NTNG1: variants seen among roughly 807,000 people sequenced by gnomAD.
The protein encoded by NTNG1 is netrin-G1.
In NTNG1, 16 loss-of-function variants were observed where a neutral mutation model predicts 54.0. That is an observed-to-expected ratio of 0.30 (90% CI 0.20 to 0.45). The LOEUF is 0.45. NTNG1 is among the 20% of genes least tolerant of loss of function. The pLI, the probability that NTNG1 is intolerant of heterozygous loss-of-function variation, is 1.00. For missense variants in NTNG1, 530 were observed against 678.7 expected, an observed-to-expected ratio of 0.78 and a Z score of 2.43; for synonymous variants, 255 against 263.1, an observed-to-expected ratio of 0.97 and a Z score of 0.30.
chr1:107,383,115 A>T (rs575550202), intron 3 of NTNG1, among the ~76,000 whole-genome samples: 36 of 152,230 alleles, frequency 2.4e-4, no homozygotes, highest in Non-Finnish European at 4.6e-4. Context: ...ACTCAGCCTG[A>T]TCCATTTCTA....
At chr1:107,237,284 AG>A (rs1661476742) in intron 2 of NTNG1, among the ~76,000 whole-genome samples, 1 of 152,198 alleles carries the variant, frequency 6.6e-6, no homozygotes, top group Non-Finnish European at 1.5e-5. Flanking sequence ...GTGATGATTT[AG>A]GGTATATAGT....
intron 2 of NTNG1, among the ~76,000 whole-genome samples, chr1:107,307,149 G>A (rs1666741510): frequency 1.3e-5 from 2 of 152,288 alleles, no homozygotes; most frequent in East Asian, 3.9e-4. Flanking sequence ...TTTTTATTTT[G>A]TCCACAAGAA....
rs938201804 is a variant in NTNG1 at position 107,483,837 on chromosome 1, C to A, written c.*2997C>A. On this transcript the variant is annotated 3_prime_UTR_variant, in exon 8 of 8. Transcript: ENST00000370068. ...AAAAATGGGACAAAGGTTCAGCTAT[C>A]TAGAAAGATTTGCTATTTATAGGAA... 6.6e-6 allele frequency among the ~76,000 whole-genome samples: 1 copy of A among 152,152 alleles called. No homozygotes were observed. The highest frequency in any genetic ancestry group is 1.5e-5 in the Non-Finnish European group (1 of 68,026).
At chr1:107,382,214 C>G (rs531606346) in intron 3 of NTNG1, among the ~76,000 whole-genome samples, 1 of 152,104 alleles carries the variant, frequency 6.6e-6, no homozygotes, top group Non-Finnish European at 1.5e-5. Flanking sequence ...AGCATGCAAC[C>G]TCACTACAAC....
intron 2 of NTNG1, among the ~76,000 whole-genome samples, chr1:107,241,915 C>T (rs1398582440): frequency 1.3e-5 from 2 of 152,072 alleles, no homozygotes; most frequent in Non-Finnish European, 2.9e-5. Context: ...CCTGCATCAC[C>T]GTGCTCACAG....
At chr1:107,399,023 A>G (rs1303634010) in intron 4 of NTNG1, among the ~76,000 whole-genome samples, 1 of 152,180 alleles carries the variant, frequency 6.6e-6, no homozygotes, top group Non-Finnish European at 1.5e-5. Flanking sequence ...TTCAGCAAAT[A>G]TAATATTATA....
At chr1:107,246,300 A>G (rs2101599562) in intron 2 of NTNG1, among the ~76,000 whole-genome samples, 1 of 151,944 alleles carries the variant, frequency 6.6e-6, no homozygotes, top group African/African-American at 2.4e-5. Flanking sequence ...TGATGTGCCC[A>G]CCTCGGCCTC....
At chr1:107,257,620 C>T (rs570559285) in intron 2 of NTNG1, among the ~76,000 whole-genome samples, 99 of 152,260 alleles carry the variant, frequency 6.5e-4, no homozygotes, top group African/African-American at 2.1e-3. Flanking sequence ...TCCAAAAATA[C>T]GCAGCCAATT....
intron 7 of NTNG1, among the ~76,000 whole-genome samples, chr1:107,463,788 A>C (rs1247222250): frequency 6.6e-6 from 1 of 152,142 alleles, no homozygotes; most frequent in Non-Finnish European, 1.5e-5. Flanking sequence ...CCATATGTTT[A>C]CTAAATTATA....
intron 3 of NTNG1, among the ~76,000 whole-genome samples, chr1:107,359,800 A>T (rs1484506753): frequency 6.6e-6 from 1 of 151,836 alleles, no homozygotes; most frequent in Non-Finnish European, 1.5e-5. Flanking sequence ...GAAGGAAAAA[A>T]TACTAAGTGT....
intron 2 of NTNG1, among the ~76,000 whole-genome samples, chr1:107,231,763 C>T (rs2101533855): frequency 6.6e-6 from 1 of 152,198 alleles, no homozygotes; most frequent in Admixed American, 6.5e-5. Context: ...TGGCCTCTGT[C>T]TACTTTAGCA....
At chr1:107,459,401 C>G (rs1281421654) in intron 7 of NTNG1, among the ~76,000 whole-genome samples, 3 of 152,104 alleles carry the variant, frequency 2.0e-5, no homozygotes, top group Admixed American at 1.3e-4. Flanking sequence ...AGATCCTGTT[C>G]TCTGCATTCA....
In NTNG1 at chr1:107,480,992, T is replaced by G. The variant is rs1678678069; in HGVS notation, c.*152T>G. On this transcript the variant is annotated 3_prime_UTR_variant, in exon 8 of 8. Coordinates refer to ENST00000370068, the MANE Select transcript of NTNG1 (RefSeq NM_001113226.3). ...AGGCCTAACTGAACTAAGCCATATT[T>G]ATCACCCGTGGACAGCACATCCGAG... 6.5e-6 allele frequency: 4 copies of G among 619,202 alleles called. No homozygotes were observed. The highest frequency in any genetic ancestry group is 1.1e-5 in the Non-Finnish European group (4 of 351,682). 38.4% of individuals were successfully genotyped at this position (619,202 alleles called of 1,614,324 possible). A position where few individuals can be genotyped will look rare whatever the true frequency, so the allele number is the denominator to read the frequency against.
rs752776025 is a variant in NTNG1, at chr1:107,436,663, A to C, written c.1256-2A>C. ...AGCCTGTGTGTTGTCTTGTTTCTAC[A>C]GAGTGTTATTGTAACCCTTTGGGCT... is the stretch of plus-strand genomic sequence containing the variant. On this transcript the variant is annotated splice_acceptor_variant, in intron 6 of 7. Transcript: ENST00000370068. LOFTEE classifies it high-confidence loss of function. 29 of 1,612,244 alleles carry C rather than the reference A, an allele frequency of 1.8e-5. No homozygotes were observed.
chr1:107,142,058 TG>T, intron 1 of NTNG1, among the ~76,000 whole-genome samples: 1 of 152,184 alleles, frequency 6.6e-6, no homozygotes, highest in South Asian at 2.1e-4. Context: ...GAGGAAGACT[TG>T]GTGTAGGGAT....
chr1:107,362,257 T>C (rs543680942), intron 3 of NTNG1, among the ~76,000 whole-genome samples: 2 of 152,298 alleles, frequency 1.3e-5, no homozygotes, highest in South Asian at 4.1e-4. Context: ...CGGTTACACC[T>C]TGCCCAAAGG....
chr1:107,231,055 C>A (rs1242478470), intron 2 of NTNG1, among the ~76,000 whole-genome samples: 1 of 152,124 alleles, frequency 6.6e-6, no homozygotes, highest in African/African-American at 2.4e-5. Context: ...TGATAATAAC[C>A]AAATGTATGA....
intron 2 of NTNG1, among the ~76,000 whole-genome samples, chr1:107,322,749 G>A (rs1304291306): frequency 3.9e-5 from 6 of 152,184 alleles, no homozygotes; most frequent in African/African-American, 1.2e-4. Flanking sequence ...TGAGAGAGAA[G>A]TACAGAAACA....
intron 3 of NTNG1, among the ~76,000 whole-genome samples, chr1:107,334,205 G>A (rs1437090742): frequency 1.3e-5 from 2 of 151,688 alleles, no homozygotes; most frequent in Non-Finnish European, 2.9e-5. Flanking sequence ...GCTAATTTTA[G>A]TTAAATGAAT....
Sources: allele counts gnomAD v4.1 joint callset (sites outside exome capture counted in the v4.1 genomes callset), GRCh38; gene constraint gnomAD v4.1.1; transcripts MANE v1.5; gene names NCBI Gene and HGNC (gene_info 2026-07-23, HGNC 2026-07-21).